The following INPP5D variants were observed in gnomAD, a reference collection of about 807,000 sequenced individuals.
INPP5D encodes the protein phosphatidylinositol 3,4,5-trisphosphate 5-phosphatase 1.
INPP5D carries 33 observed loss-of-function variants against 122.9 expected under a neutral mutation model. That is an observed-to-expected ratio of 0.27 (90% CI 0.20 to 0.36). The LOEUF (loss-of-function observed/expected upper bound fraction) is 0.36. Among genes scored for constraint, INPP5D ranks in the 10% least tolerant of loss-of-function variants. The probability of loss-of-function intolerance (pLI) is 1.00; values close to 1 mark genes in which losing one functional copy is unlikely to be tolerated. For synonymous variants in INPP5D, 584 were observed against 576.2 expected, an observed-to-expected ratio of 1.01 and a Z score of -0.19; for missense variants, 1,053 against 1,412.7, an observed-to-expected ratio of 0.75 and a Z score of 4.08.
chr2:233,081,808 G>C (rs1034713457), intron 2 of INPP5D, among the ~76,000 whole-genome samples: 1 of 152,128 alleles, frequency 6.6e-6, no homozygotes. Flanking sequence ...GCTCTTCTCT[G>C]TGGGGCCGCT....
chr2:233,152,861 G>C lies in INPP5D; in HGVS notation c.1030+5267G>C, dbSNP rs1376860085. On this transcript the variant is annotated intron_variant, in intron 9 of 26. Transcript: ENST00000445964. Reference sequence around the variant, plus strand: ...GCAAGCCACTATTAGGAGGTTTTCAGCTGGGGGGGGTGTGGTGTGATTCCA... The same window carrying C: ...GCAAGCCACTATTAGGAGGTTTTCACCTGGGGGGGGTGTGGTGTGATTCCA... Among the ~76,000 whole-genome samples the C allele has an allele frequency of 1.1e-4, 12 of 109,742 alleles. No homozygotes were observed. In the Admixed American group the frequency reaches 1.1e-3, roughly 10 times the overall value. 72.0% of individuals were successfully genotyped at this position (109,742 alleles called of 152,430 possible). A position where few individuals can be genotyped will look rare whatever the true frequency, so the allele number is the denominator to read the frequency against.
chr2:233,136,297 G>C (rs1037439873), intron 5 of INPP5D, among the ~76,000 whole-genome samples: 1 of 152,184 alleles, frequency 6.6e-6, no homozygotes, highest in African/African-American at 2.4e-5. Flanking sequence ...GGCCAACATG[G>C]TGAAATTCCA....
rs1306534523 is a variant in INPP5D at position 233,189,306 on chromosome 2, T to TG, written c.2359-539dup. ...ATCGGTAGGACACTCCAGGCCCAGC[T>TG]GGGGGCTCTGCCAGGATGGACACAG... On this transcript the variant is annotated intron_variant, in intron 21 of 26. Transcript: ENST00000445964. The surrounding 1 kb of genome is among the most constrained non-coding windows in gnomAD (Gnocchi z 5.6). Among the ~76,000 whole-genome samples the TG allele has an allele frequency of 2.0e-5, 3 of 152,188 alleles. No homozygotes were observed. The highest frequency in any genetic ancestry group is 4.4e-5 in the Non-Finnish European group (3 of 68,018).
At chr2:233,096,837 C>G (rs957294443) in intron 2 of INPP5D, among the ~76,000 whole-genome samples, 2 of 151,920 alleles carry the variant, frequency 1.3e-5, no homozygotes, top group African/African-American at 4.8e-5. Context: ...TTTTCTCCAG[C>G]CTGCAATGTT....
chr2:233,151,758 C>G (rs1384210136), intron 9 of INPP5D, among the ~76,000 whole-genome samples: 1 of 152,168 alleles, frequency 6.6e-6, no homozygotes, highest in Admixed American at 6.5e-5. Context: ...CAAAACAGTG[C>G]TTAGCACAGA....
chr2:233,152,351 A>T (rs1322400684), intron 9 of INPP5D, among the ~76,000 whole-genome samples: 1 of 152,186 alleles, frequency 6.6e-6, no homozygotes, highest in Non-Finnish European at 1.5e-5. Context: ...TCTTCTACAC[A>T]TAGGAACAGC....
chr2:233,104,333 A>G (rs1439972000), intron 2 of INPP5D, among the ~76,000 whole-genome samples: 1 of 152,188 alleles, frequency 6.6e-6, no homozygotes, highest in Admixed American at 6.5e-5. Context: ...GTACTCAAAA[A>G]ATATTCATCC....
Position 233,170,352 on chromosome 2 carries a change from C to T in INPP5D, c.1792-144C>T. On this transcript the variant is annotated intron_variant, in intron 15 of 26. Coordinates refer to ENST00000445964, the MANE Select transcript of INPP5D (RefSeq NM_001017915.3). The surrounding 1 kb of genome is among the most constrained non-coding windows in gnomAD (Gnocchi z 4.5). ...TCCTCACGGTTCCCCTGTGCTCACACCCGGTTCCCATAACTGTCACAGCCA... is the reference window on the plus strand; with the variant it reads ...TCCTCACGGTTCCCCTGTGCTCACATCCGGTTCCCATAACTGTCACAGCCA... 1.3e-6 allele frequency: 2 copies of T among 1,490,166 alleles called. No individual in the cohort carries two copies. The highest frequency in any genetic ancestry group is 1.4e-5 in the African/African-American group (1 of 71,976). The allele number at this position is 1,490,166 out of a possible 1,614,324, so 92.3% of individuals were successfully genotyped here.
At chr2:233,169,580 A>C in intron 14 of INPP5D, 179 bp downstream of exon 14, 7 of 941,258 alleles carry the variant, frequency 7.4e-6, no homozygotes, top group Non-Finnish European at 9.3e-6. Flanking sequence ...TAGTGACCTC[A>C]CGTGTGGAGG....
In INPP5D at chr2:233,127,709, AG is replaced by A. The variant is rs567790729; in HGVS notation, c.524+1791del. Among the ~76,000 whole-genome samples the A allele has an allele frequency of 6.6e-4, 100 of 152,300 alleles. 1 individual carries two copies. The highest frequency in any genetic ancestry group is 2.3e-3 in the African/African-American group (95 of 41,570). ...CTGCAACCTCCCCCTCCCGGGTTCA[AG>A]TGATTCTCCTGCTTCAGCCTCCCAA... On this transcript the variant is annotated intron_variant, in intron 4 of 26. Coordinates refer to ENST00000445964, the MANE Select transcript of INPP5D (RefSeq NM_001017915.3).
At chr2:233,110,492 G>A (rs190974842) in intron 2 of INPP5D, among the ~76,000 whole-genome samples, 2 of 152,174 alleles carry the variant, frequency 1.3e-5, no homozygotes, top group East Asian at 1.9e-4. Context: ...GAGCCACCGC[G>A]CCCAGCAACA....
At chr2:233,136,897 G>C (rs367566169) in intron 5 of INPP5D, among the ~76,000 whole-genome samples, 8 of 152,350 alleles carry the variant, frequency 5.3e-5, no homozygotes, top group African/African-American at 1.9e-4. Context: ...CTAAAGAATA[G>C]TGTACAGTTA....
chr2:233,171,079 C>A lies in INPP5D; in HGVS notation c.1916C>A (p.Thr639Lys). 1 of 1,613,360 alleles carries A rather than the reference C, an allele frequency of 6.2e-7. No homozygotes were observed. The highest frequency in any genetic ancestry group is 8.5e-7 in the Non-Finnish European group (1 of 1,179,636). ...TCTGTTTCAGAGGAGGAAGAAATCA[C>A]GTTTGCCCCAACCTACCGTTTTGAG... ...VFLHFEEEEI[T>K]FAPTYRFERL... Residue 639 changes from threonine (T) to lysine (K), a missense_variant, in exon 17 of 27, where the codon ACG (threonine) becomes AAG (lysine). Around this residue, in one of 6 missense-constraint regions of INPP5D, gnomAD observed 258 missense variants for 439.1 expected, o/e 0.59. Coordinates refer to ENST00000445964, the MANE Select transcript of INPP5D (RefSeq NM_001017915.3).
At chr2:233,060,824 G>A (rs150930798) in intron 1 of INPP5D, among the ~76,000 whole-genome samples, 15 of 152,340 alleles carry the variant, frequency 9.8e-5, no homozygotes, top group African/African-American at 3.1e-4. Flanking sequence ...CCACTCTGAG[G>A]CCTGATGTTA....
At position 233,125,883 on chromosome 2, in the gene INPP5D, C is replaced by T; in HGVS notation, c.488C>T (p.Thr163Ile). Reference sequence around the variant, plus strand: ...ACCAGCCGGCCGAGCCTCTCCGAGACATTGTTCCAGCGACTGCAAAGCATG... The same window carrying T: ...ACCAGCCGGCCGAGCCTCTCCGAGATATTGTTCCAGCGACTGCAAAGCATG... ...TETSRPSLSE[T>I]LFQRLQSMDT... Residue 163 changes from threonine (T) to isoleucine (I), a missense_variant, in exon 4 of 27, where the codon ACA (threonine) becomes ATA (isoleucine). Physicochemically the swap from Thr to Ile is moderately conservative, Grantham distance 89. Transcript: ENST00000445964. 1 of 1,613,892 alleles carries T rather than the reference C, an allele frequency of 6.2e-7. No homozygotes were observed. Among genetic ancestry groups the T allele is most frequent in the Non-Finnish European group, 8.5e-7 (1 of 1,179,858 alleles).
At chr2:233,178,696 C>T (rs1415362046) in intron 18 of INPP5D, among the ~76,000 whole-genome samples, 3 of 152,078 alleles carry the variant, frequency 2.0e-5, no homozygotes, top group Non-Finnish European at 4.4e-5. Context: ...GTTGGTCAGG[C>T]TGGTCTCGAA....
chr2:233,060,776 GT>G (rs1049536699), intron 1 of INPP5D, among the ~76,000 whole-genome samples, 164 bp downstream of exon 1: 1 of 152,226 alleles, frequency 6.6e-6, no homozygotes, highest in African/African-American at 2.4e-5. Flanking sequence ...CAGAGAGCTG[GT>G]CTCATGGCAG....
intron 1 of INPP5D, among the ~76,000 whole-genome samples, chr2:233,072,785 C>T (rs192875244): frequency 2.0e-5 from 3 of 152,320 alleles, no homozygotes; most frequent in African/African-American, 7.2e-5. Flanking sequence ...TGTAAGTTTT[C>T]TCTTTTATTG....
chr2:233,163,886 A>C lies in INPP5D; in HGVS notation c.1420A>C (p.Ser474Arg), dbSNP rs1477498637. ...ILKHSLQEIT[S>R]VTFKTVAIHT... is the part of the protein sequence containing the mutation. ...CAAACACTCCCTGCAAGAAATCACC[A>C]GTGTGACTTTTAAAACAGTGAGCAG... Residue 474 changes from serine to arginine, a missense_variant, in exon 12 of 27, where the codon AGT (serine) becomes CGT (arginine). Around this residue, in one of 6 missense-constraint regions of INPP5D, gnomAD observed 105 missense variants for 199.8 expected, o/e 0.53. Coordinates refer to ENST00000445964, the MANE Select transcript of INPP5D (RefSeq NM_001017915.3). 1.2e-6 allele frequency: 2 copies of C among 1,613,786 alleles called. No homozygotes were observed. The highest frequency in any genetic ancestry group is 3.3e-5 in the Admixed American group (2 of 59,968).
Sources: allele counts gnomAD v4.1 joint callset (sites outside exome capture counted in the v4.1 genomes callset), GRCh38; gene constraint gnomAD v4.1.1; regional missense constraint gnomAD v4.1.1; non-coding constraint Gnocchi (gnomAD v3.1); transcripts MANE v1.5; gene names NCBI Gene and HGNC (gene_info 2026-07-23, HGNC 2026-07-21).